ANGPT4: variants seen among roughly 807,000 people sequenced by gnomAD.
ANGPT4 encodes the protein angiopoietin 4, also known as angiopoietin-4.
ANGPT4 carries 50 observed loss-of-function variants against 53.0 expected under a neutral mutation model. That is an observed-to-expected ratio of 0.94 (90% CI 0.75 to 1.20). ANGPT4 has a LOEUF of 1.20. Among genes scored for constraint, ANGPT4 ranks in the 50% most tolerant of loss-of-function variants. The probability of loss-of-function intolerance (pLI) is 0.00; values close to 1 mark genes in which losing one functional copy is unlikely to be tolerated. For missense variants in ANGPT4, 648 were observed against 637.1 expected (o/e 1.02, Z -0.18); for synonymous variants, 251 against 259.7 (o/e 0.97, Z 0.32).
chr20:891,373 C>T (rs559763663), intron 1 of ANGPT4, among the ~76,000 whole-genome samples: 1 of 152,338 alleles, frequency 6.6e-6, no homozygotes, highest in East Asian at 1.9e-4. Flanking sequence ...ATCCCACATG[C>T]AAATGTTCAT....
chr20:914,485 T>C lies in ANGPT4; in HGVS notation c.309+1421A>G, dbSNP rs1982841746. ...CCTGGGAGGAGGGAGAGGATGTAAC[T>C]TAGGTTTTGATGGGGATTCTTTGGT... On this transcript the variant is annotated intron_variant, in intron 1 of 8. Coordinates refer to ENST00000381922, the MANE Select transcript of ANGPT4 (RefSeq NM_015985.4). The surrounding 1 kb of genome is among the most constrained non-coding windows in gnomAD (Gnocchi z 5.0). Among the ~76,000 whole-genome samples, 1 of 151,862 alleles carries C rather than the reference T, an allele frequency of 6.6e-6. No homozygotes were observed. Among genetic ancestry groups the C allele is most frequent in the Non-Finnish European group, 1.5e-5 (1 of 67,960 alleles).
In ANGPT4 at chr20:874,425, C is replaced by T; in HGVS notation, c.1221-11G>A. 6.2e-7 allele frequency: 1 copy of T among 1,612,816 alleles called. No individual in the cohort carries two copies. The highest frequency in any genetic ancestry group is 1.1e-5 in the South Asian group (1 of 91,016). On this transcript the variant is annotated splice_polypyrimidine_tract_variant and intron_variant, in intron 7 of 8. Transcript: ENST00000381922. The stretch of plus-strand genomic sequence containing the variant: ...CCGACCACAGAAAGCCTGGAGGCCA[C>T]CCAGAGGTGGTGGTGGCAGAAGGGC...
At chr20:873,737 T>C (rs1981044869) in intron 8 of ANGPT4, among the ~76,000 whole-genome samples, 1 of 152,108 alleles carries the variant, frequency 6.6e-6, no homozygotes, top group Non-Finnish European at 1.5e-5. Flanking sequence ...TAGCTCTCCA[T>C]CTGCTGCTCA....
At chr20:900,331 A>G (rs992421943) in intron 1 of ANGPT4, among the ~76,000 whole-genome samples, 10 of 152,114 alleles carry the variant, frequency 6.6e-5, no homozygotes, top group Admixed American at 5.2e-4. Context: ...AAGTTACCCC[A>G]TCAGTCTCCA....
rs527394410 is a variant in ANGPT4, at chr20:908,330, C to T, written c.309+7576G>A. Among the ~76,000 whole-genome samples the T allele has an allele frequency of 6.6e-6, 1 of 152,280 alleles. No homozygotes were observed. Among genetic ancestry groups the T allele is most frequent in the South Asian group, 2.1e-4 (1 of 4,814 alleles). Reference sequence around the variant, plus strand: ...CTCTGCACTGTAGACACACTGAATGCCTTTTGCTTTTGGCCCATTCTACCC... The same window carrying T: ...CTCTGCACTGTAGACACACTGAATGTCTTTTGCTTTTGGCCCATTCTACCC... On this transcript the variant is annotated intron_variant, in intron 1 of 8. Coordinates refer to ENST00000381922, the MANE Select transcript of ANGPT4 (RefSeq NM_015985.4). The surrounding 1 kb of genome is among the most constrained non-coding windows in gnomAD (Gnocchi z 4.9).
intron 7 of ANGPT4, 37 bp downstream of exon 7, chr20:878,124 A>G (rs375852279): frequency 1.3e-6 from 2 of 1,554,698 alleles, no homozygotes; most frequent in South Asian, 2.4e-5. Context: ...CTAGCTGAAG[A>G]CCCCAGCCCC....
Position 914,564 on chromosome 20 carries a change from G to A in ANGPT4, c.309+1342C>T, listed in dbSNP as rs1412263723. ...CCGAGTGTTAGCAGGGAGCCAGGGG[G>A]GCAGCCAGGACAGCTATCCTGCCTG... On this transcript the variant is annotated intron_variant, in intron 1 of 8. Transcript: ENST00000381922. The surrounding 1 kb of genome is among the most constrained non-coding windows in gnomAD (Gnocchi z 5.0). Among the ~76,000 whole-genome samples, 1 of 152,054 alleles carries A rather than the reference G, an allele frequency of 6.6e-6. No homozygotes were observed. The highest frequency in any genetic ancestry group is 2.4e-5 in the African/African-American group (1 of 41,376).
Position 890,227 on chromosome 20 carries a change from C to T in ANGPT4, c.451G>A (p.Asp151Asn), listed in dbSNP as rs376079007. Residue 151 changes from aspartate (D) to asparagine (N), a missense_variant, in exon 2 of 9, where the codon GAC becomes AAC. Physicochemically the swap from Asp to Asn is conservative, Grantham distance 23. Transcript: ENST00000381922. Reference sequence around the variant, plus strand: ...CCCTCTGTTACCTGAGCCTCCATGTCGGTCAGCTTGCGGATCTGGGCAGTG... The same window carrying T: ...CCCTCTGTTACCTGAGCCTCCATGTTGGTCAGCTTGCGGATCTGGGCAGTG... Reference protein sequence around the residue: ...QTTAQIRKLTDMEAQLLNQTS... With the variant: ...QTTAQIRKLTNMEAQLLNQTS... 9 of 1,613,682 alleles carry T rather than the reference C, an allele frequency of 5.6e-6. No individual in the cohort carries two copies. The highest frequency in any genetic ancestry group is 2.2e-5 in the East Asian group (1 of 44,872).
At chr20:879,941 C>G in intron 5 of ANGPT4, 93 bp from the exon 6 acceptor site, 1 of 795,156 alleles carries the variant, frequency 1.3e-6, no homozygotes. Flanking sequence ...CAGACAGACC[C>G]CCACAGAGCA....
intron 1 of ANGPT4, among the ~76,000 whole-genome samples, chr20:909,020 G>A (rs1322261147): frequency 1.3e-5 from 2 of 152,210 alleles, no homozygotes; most frequent in East Asian, 3.9e-4. Context: ...TGTAAATGGT[G>A]GGCACAGAGA....
intron 4 of ANGPT4, among the ~76,000 whole-genome samples, chr20:883,580 A>AGAAGG (rs1981490709): frequency 6.6e-6 from 1 of 152,224 alleles, no homozygotes; most frequent in Non-Finnish European, 1.5e-5. Context: ...TTCTCCATCC[A>AGAAGG]GAAGGGGGTG....
At chr20:898,744 A>C (rs151216319) in intron 1 of ANGPT4, among the ~76,000 whole-genome samples, 63 of 152,348 alleles carry the variant, frequency 4.1e-4, no homozygotes, top group South Asian at 6.2e-4. Context: ...CACATCCAGC[A>C]CACAAGAACT....
At chr20:877,682 T>A (rs6055507) in intron 7 of ANGPT4, among the ~76,000 whole-genome samples, 1,569 of 152,312 alleles carry the variant, frequency 0.01, 16 homozygotes, top group African/African-American at 0.035. Context: ...TCGTCATGTT[T>A]AAGCTCATCC....
intron 1 of ANGPT4, among the ~76,000 whole-genome samples, chr20:910,864 G>T (rs1353845807): frequency 6.6e-6 from 1 of 152,138 alleles, no homozygotes; most frequent in African/African-American, 2.4e-5. Flanking sequence ...GTCATCCCCA[G>T]GCCGAGGGTA....
rs184174581 is a variant in ANGPT4 at position 869,974 on chromosome 20, G to A, written c.*2986C>T. 11 of 152,452 alleles carry A rather than the reference G, an allele frequency of 7.2e-5. No individual in the cohort carries two copies. The highest frequency in any genetic ancestry group is 2.6e-4 in the African/African-American group (11 of 41,594). The allele number at this position is 152,452 out of a possible 1,614,324, so 9.4% of individuals were successfully genotyped here. A position where few individuals can be genotyped will look rare whatever the true frequency, so the allele number is the denominator to read the frequency against. ...CCCCGGGTCAGGGATGCTGAGCTGG[G>A]AGGACATGAGCCTGGGGCTGCCAGA... On this transcript the variant is annotated 3_prime_UTR_variant, in exon 9 of 9. Coordinates refer to ENST00000381922, the MANE Select transcript of ANGPT4 (RefSeq NM_015985.4).
intron 1 of ANGPT4, among the ~76,000 whole-genome samples, chr20:899,213 C>G (rs1209167492): frequency 6.6e-6 from 1 of 151,958 alleles, no homozygotes; most frequent in Non-Finnish European, 1.5e-5. Flanking sequence ...CTGCTAGACT[C>G]CTTAAAACTC....
intron 1 of ANGPT4, among the ~76,000 whole-genome samples, chr20:898,545 T>C (rs1344340516): frequency 3.3e-5 from 5 of 152,182 alleles, no homozygotes; most frequent in African/African-American, 1.2e-4. Flanking sequence ...ATCCTTAATA[T>C]GTATTTTATT....
intron 1 of ANGPT4, among the ~76,000 whole-genome samples, chr20:897,022 C>G (rs558169992): frequency 6.6e-6 from 1 of 152,138 alleles, no homozygotes; most frequent in Non-Finnish European, 1.5e-5. Context: ...CAATAAGTCT[C>G]CGTAGCTCCC....
At chr20:889,716 C>T (rs1328844801) in intron 2 of ANGPT4, among the ~76,000 whole-genome samples, 1 of 152,072 alleles carries the variant, frequency 6.6e-6, no homozygotes, top group African/African-American at 2.4e-5. Context: ...GCCTGGCACA[C>T]GGGGGATCAA....
Sources: gnomAD v4.1 joint callset for allele counts (sites outside exome capture counted in the v4.1 genomes callset) on GRCh38, gnomAD v4.1.1 for gene constraint, Gnocchi (gnomAD v3.1) non-coding constraint, MANE v1.5 for transcripts, NCBI Gene and HGNC (gene_info 2026-07-23, HGNC 2026-07-21) for gene names.